The following NBAS variants were observed in gnomAD, a reference collection of about 807,000 sequenced individuals.
NBAS encodes the protein NBAS subunit of NRZ tethering complex, also known as NAG/BC035112 fusion.
Under a neutral mutation model 302.5 loss-of-function variants are expected in NBAS, and 219 were observed. The ratio of observed to expected loss-of-function variants is 0.72; its 90% CI spans 0.65 to 0.81. NBAS has a LOEUF of 0.81. Among genes scored for constraint, NBAS ranks in the 30% least tolerant of loss-of-function variants. The pLI is 0.00. For missense variants in NBAS, 2,932 were observed against 2,841.6 expected (o/e 1.03, Z -0.72); for synonymous variants, 1,118 against 1,021.6 (o/e 1.09, Z -1.80).
the NBAS span, among the ~76,000 whole-genome samples, chr2:15,022,205 G>A: frequency 6.6e-6 from 1 of 152,130 alleles, no homozygotes; most frequent in African/African-American, 2.4e-5. Context: ...GACAATAACA[G>A]CTTCCCCATT....
chr2:15,017,741 T>C, the NBAS span, among the ~76,000 whole-genome samples: 2 of 151,726 alleles, frequency 1.3e-5, no homozygotes, highest in East Asian at 1.9e-4. Context: ...AGTAGAGAGG[T>C]TCCTCAAAAA....
chr2:15,336,129 A>G (rs960022413), intron 35 of NBAS, among the ~76,000 whole-genome samples: 1 of 152,070 alleles, frequency 6.6e-6, no homozygotes, highest in African/African-American at 2.4e-5. Flanking sequence ...CTGTTCCAAG[A>G]TCAAAAAGAT....
chr2:15,409,805 A>G (rs1315357278), intron 25 of NBAS, among the ~76,000 whole-genome samples: 1 of 152,164 alleles, frequency 6.6e-6, no homozygotes, highest in Admixed American at 6.5e-5. Context: ...TGTGTTTTAT[A>G]AAGTTGGATT....
intron 35 of NBAS, among the ~76,000 whole-genome samples, chr2:15,339,757 A>G (rs1672761597): frequency 6.6e-6 from 1 of 152,192 alleles, no homozygotes; most frequent in East Asian, 1.9e-4. Context: ...ACAGAGAAAG[A>G]GCAGGGAAGA....
At chr2:15,181,513 A>C (rs1336803214) in intron 50 of NBAS, among the ~76,000 whole-genome samples, 3 of 152,186 alleles carry the variant, frequency 2.0e-5, no homozygotes, top group African/African-American at 7.2e-5. Flanking sequence ...AGATTTACAA[A>C]GGGATTTGGG....
the NBAS span, among the ~76,000 whole-genome samples, chr2:15,046,261 A>G: frequency 6.6e-6 from 1 of 152,190 alleles, no homozygotes; most frequent in Non-Finnish European, 1.5e-5. Flanking sequence ...TTCATAGCTA[A>G]TTTTTATTTT....
rs543889235 is a variant in NBAS at position 15,326,286 on chromosome 2, A to G, written c.4582+1464T>C. On this transcript the variant is annotated intron_variant, in intron 38 of 51. Transcript: ENST00000281513. ...TGCCATAAACCTTCAATTTTTTATA[A>G]AGCACTGTATCTGCAAAGTGCAATA... 3.9e-5 allele frequency among the ~76,000 whole-genome samples: 6 copies of G among 152,364 alleles called. No individual in the cohort carries two copies. In the East Asian group the frequency reaches 1.2e-3, roughly 29 times the overall value.
intron 35 of NBAS, among the ~76,000 whole-genome samples, chr2:15,335,277 C>A (rs1415788566): frequency 6.6e-6 from 1 of 151,588 alleles, no homozygotes; most frequent in Non-Finnish European, 1.5e-5. Flanking sequence ...TATTAATGTG[C>A]ATTTGGGTAG....
the NBAS span, among the ~76,000 whole-genome samples, chr2:15,024,349 T>C: frequency 6.6e-6 from 1 of 152,170 alleles, no homozygotes; most frequent in Non-Finnish European, 1.5e-5. Flanking sequence ...GGTATATATG[T>C]ACCACATTTT....
chr2:15,359,125 C>T (rs1323676344), intron 32 of NBAS, among the ~76,000 whole-genome samples: 1 of 152,146 alleles, frequency 6.6e-6, no homozygotes, highest in Non-Finnish European at 1.5e-5. Context: ...CCCACTGAAG[C>T]CCTAGCCCCT....
rs766763623 is a variant in NBAS at position 15,534,582 on chromosome 2, G to A, written c.707C>T (p.Pro236Leu). 2.5e-6 allele frequency: 4 copies of A among 1,613,694 alleles called. No individual in the cohort carries two copies. Among genetic ancestry groups the A allele is most frequent in the Non-Finnish European group, 3.4e-6 (4 of 1,179,656 alleles). ...GTAAATAGCTGTGTTGATTCCATGA[G>A]GATAATGACTACTGAAGCTGAAACA... ...SHCFSFSSHY[P>L]HGINTAIYHP... Residue 236 changes from proline to leucine, a missense_variant, in exon 9 of 52, where the codon CCT becomes CTT. Physicochemically the swap from Pro to Leu is moderately conservative, Grantham distance 98. Transcript: ENST00000281513.
Position 15,177,965 on chromosome 2 carries a change from T to C in NBAS, c.6840+1023A>G, listed in dbSNP as rs1421970166. The C allele has an allele frequency of 4.3e-5, 14 of 323,940 alleles. No individual in the cohort carries two copies. The Admixed American group carries it at 5.2e-4, about 12-fold the overall frequency. The allele number at this position is 323,940 out of a possible 1,614,324, so 20.1% of individuals were successfully genotyped here. On this transcript the variant is annotated intron_variant, in intron 51 of 51. Coordinates refer to ENST00000281513, the MANE Select transcript of NBAS (RefSeq NM_015909.4). ...ATAAAGGCATTTGATTTTCTCATTT[T>C]ATTCATAATGATTATTTCCAAATAC...
chr2:15,352,906 G>C (rs1302457951), intron 34 of NBAS, among the ~76,000 whole-genome samples: 2 of 149,514 alleles, frequency 1.3e-5, no homozygotes, highest in African/African-American at 5.0e-5. Flanking sequence ...TTATCTTAGA[G>C]AGGCAGTGTG....
intron 21 of NBAS, among the ~76,000 whole-genome samples, chr2:15,453,872 G>A (rs1374410901): frequency 6.6e-6 from 1 of 151,906 alleles, no homozygotes; most frequent in Non-Finnish European, 1.5e-5. Flanking sequence ...TCCACCTCCT[G>A]GGGTCAAGCG....
At chr2:15,302,409 A>G (rs777635785) in intron 40 of NBAS, among the ~76,000 whole-genome samples, 1 of 152,162 alleles carries the variant, frequency 6.6e-6, no homozygotes, top group Non-Finnish European at 1.5e-5. Context: ...GTGTTCAGGC[A>G]TCATCACTGG....
In NBAS at chr2:15,167,331, A is replaced by G. The variant is rs1245445574; in HGVS notation, c.6841-8T>C. The G allele has an allele frequency of 1.2e-6, 2 of 1,614,044 alleles. No homozygotes were observed. The highest frequency in any genetic ancestry group is 3.3e-5 in the Admixed American group (2 of 59,996). ...ACAATTGGAATCATTCACCTTCAAG[A>G]AATAAGACAGGCACAGCGTGAGGGG... is the stretch of plus-strand genomic sequence containing the variant. On this transcript the variant is annotated splice_polypyrimidine_tract_variant and splice_region_variant and intron_variant, in intron 51 of 51. Coordinates refer to ENST00000281513, the MANE Select transcript of NBAS (RefSeq NM_015909.4).
At chr2:15,543,783 A>T (rs1663970192) in intron 6 of NBAS, among the ~76,000 whole-genome samples, 1 of 152,236 alleles carries the variant, frequency 6.6e-6, no homozygotes, top group Non-Finnish European at 1.5e-5. Context: ...GAGTTATGGG[A>T]GTACAAATCA....
chr2:15,326,013 C>T (rs1273400702), intron 38 of NBAS, among the ~76,000 whole-genome samples: 1 of 152,146 alleles, frequency 6.6e-6, no homozygotes, highest in Non-Finnish European at 1.5e-5. Flanking sequence ...TGGAAAATGG[C>T]TGGTCAGTGG....
At chr2:15,149,322 G>A in the NBAS span, among the ~76,000 whole-genome samples, 4 of 152,162 alleles carry the variant, frequency 2.6e-5, no homozygotes, top group Admixed American at 2.6e-4. Flanking sequence ...CTCTGACCTT[G>A]GATCTCCCAG....
Sources: gnomAD v4.1 joint callset for allele counts (sites outside exome capture counted in the v4.1 genomes callset) on GRCh38, gnomAD v4.1.1 for gene constraint, MANE v1.5 for transcripts, NCBI Gene and HGNC (gene_info 2026-07-23, HGNC 2026-07-21) for gene names.